Variants in YIF1B observed in about 807,000 individuals in gnomAD.
YIF1B encodes Yip1 interacting factor homolog B, membrane trafficking protein.
In YIF1B, 24 loss-of-function variants were observed where a neutral mutation model predicts 34.6. The observed-to-expected ratio is 0.69, with a 90% confidence interval of 0.50 to 0.98. The LOEUF (loss-of-function observed/expected upper bound fraction) is 0.98, where lower values mean the gene tolerates loss of function less well. YIF1B is among the 50% of genes least tolerant of loss of function. The pLI, the probability that YIF1B is intolerant of heterozygous loss-of-function variation, is 0.00. For synonymous variants in YIF1B, 186 were observed against 184.8 expected, an observed-to-expected ratio of 1.01 and a Z score of -0.05; for missense variants, 368 against 429.4, an observed-to-expected ratio of 0.86 and a Z score of 1.26.
chr19:38,307,861 C>T (rs1314596101), intron 5 of YIF1B, 109 bp from the exon 6 acceptor site: 2 of 1,409,788 alleles, frequency 1.4e-6, no homozygotes, highest in Non-Finnish European at 1.9e-6. Flanking sequence ...TGGCAGTGAC[C>T]AAGATGGATG....
chr19:38,305,511 G>A lies in YIF1B; in HGVS notation c.790-4C>T, dbSNP rs780002939. On this transcript the variant is annotated splice_region_variant and splice_polypyrimidine_tract_variant and intron_variant, in intron 7 of 7. Transcript: ENST00000339413. The stretch of plus-strand genomic sequence containing the variant: ...TCTTCAGCCGCAGCGTCCGGATCTG[G>A]GTGGGAAAGAGAGAGAGGAACCAAG... The A allele has an allele frequency of 1.1e-4, 180 of 1,597,862 alleles. No homozygotes were observed. Among genetic ancestry groups the A allele is most frequent in the Non-Finnish European group, 3.4e-5 (40 of 1,168,266 alleles).
chr19:38,305,326 A>C lies in YIF1B; in HGVS notation c.*26T>G. 6.3e-7 allele frequency: 1 copy of C among 1,591,416 alleles called. No individual in the cohort carries two copies. Among genetic ancestry groups the C allele is most frequent in the South Asian group, 1.1e-5 (1 of 89,840 alleles). On this transcript the variant is annotated 3_prime_UTR_variant, in exon 8 of 8. Transcript: ENST00000339413. ...CACAGTGGCCCCCAGCAGCAGCAGC[A>C]GCAGCGGGAGGTTCAGCGGGCGCGC...
rs1307991174 is a variant in YIF1B, at chr19:38,315,876, G to A, written c.42C>T (p.Pro14=). ...AGLAAAAAGT[P]RLRKWPSKRR... Reference sequence around the variant, plus strand: ...GCCACGTACGCCACTTACGCAGCCGGGGCGTCCCCGCAGCCGCCGCCGCCA... The same window carrying A: ...GCCACGTACGCCACTTACGCAGCCGAGGCGTCCCCGCAGCCGCCGCCGCCA... Residue 14 remains proline, a synonymous_variant, in exon 1 of 8, where the codon CCC becomes CCT. Coordinates refer to ENST00000339413, the MANE Select transcript of YIF1B (RefSeq NM_001039672.3). 1.3e-6 allele frequency: 2 copies of A among 1,492,116 alleles called. No homozygotes were observed. The highest frequency in any genetic ancestry group is 1.8e-6 in the Non-Finnish European group (2 of 1,130,042). 92.4% of individuals were successfully genotyped at this position (1,492,116 alleles called of 1,614,324 possible).
intron 5 of YIF1B, 35 bp from the exon 6 acceptor site, chr19:38,307,787 G>A (rs767290143): frequency 6.2e-7 from 1 of 1,607,808 alleles, no homozygotes; most frequent in East Asian, 2.2e-5. Flanking sequence ...TGGTTGGCTG[G>A]TTCAGACCCC....
chr19:38,309,505 G>T lies in YIF1B; in HGVS notation c.197C>A (p.Pro66His). 6.2e-7 allele frequency: 1 copy of T among 1,612,548 alleles called. No homozygotes were observed. The highest frequency in any genetic ancestry group is 8.5e-7 in the Non-Finnish European group (1 of 1,179,410). The change falls in exon 2 of 8, where the codon CCC (proline) becomes CAC (histidine). Residue 66 changes from proline (P) to histidine (H), a missense_variant. Coordinates refer to ENST00000339413, the MANE Select transcript of YIF1B (RefSeq NM_001039672.3). ...AGCCAGGAAGGCTGCATGGGGCGTG[G>T]GAGAGGCTGCAGGATAACTCAGGCC... is the stretch of plus-strand genomic sequence containing the variant. ...PGGLSYPAAS[P>H]TPHAAFLADP...
upstream of YIF1B, among the ~76,000 whole-genome samples, chr19:38,318,907 T>G (rs915722272): frequency 3.9e-5 from 6 of 152,154 alleles, no homozygotes; most frequent in African/African-American, 1.2e-4. Context: ...TCCTCTTAAA[T>G]AGAGGCGTGT....
chr19:38,306,267 A>G (rs889701672), intron 7 of YIF1B, among the ~76,000 whole-genome samples: 1 of 149,054 alleles, frequency 6.7e-6, no homozygotes, highest in Non-Finnish European at 1.5e-5. Context: ...GCTTGACTGC[A>G]GTGGCGTGAC....
upstream of YIF1B, among the ~76,000 whole-genome samples, chr19:38,316,295 C>T (rs1217128037): frequency 6.6e-6 from 1 of 151,988 alleles, no homozygotes; most frequent in East Asian, 1.9e-4. Flanking sequence ...TGCTTCAGCC[C>T]AGGGATTCGA....
chr19:38,311,393 C>A (rs1167253662), intron 1 of YIF1B, among the ~76,000 whole-genome samples: 1 of 152,144 alleles, frequency 6.6e-6, no homozygotes, highest in African/African-American at 2.4e-5. Flanking sequence ...AAGGGCCAAA[C>A]TGAGTGAGTG....
chr19:38,318,443 T>C (rs1050753592), upstream of YIF1B, among the ~76,000 whole-genome samples: 2 of 151,986 alleles, frequency 1.3e-5, no homozygotes, highest in African/African-American at 4.8e-5. Flanking sequence ...GCCACCACAC[T>C]TGGCTAATTT....
chr19:38,310,590 G>A (rs1316482961), intron 1 of YIF1B, among the ~76,000 whole-genome samples: 1 of 152,052 alleles, frequency 6.6e-6, no homozygotes, highest in Non-Finnish European at 1.5e-5. Flanking sequence ...TACTATGTGC[G>A]AGAGGAAGGG....
In YIF1B at chr19:38,305,140, C is replaced by G; in HGVS notation, c.*212G>C. 1 of 1,415,950 alleles carries G rather than the reference C, an allele frequency of 7.1e-7. No homozygotes were observed. The highest frequency in any genetic ancestry group is 9.4e-7 in the Non-Finnish European group (1 of 1,065,970). The allele number at this position is 1,415,950 out of a possible 1,614,324, so 87.7% of individuals were successfully genotyped here. ...CCATGCCCATCAGGGTTTATTGTTT[C>G]TGTAACAGCGGCCACGCCCTGGGGC... On this transcript the variant is annotated 3_prime_UTR_variant, in exon 8 of 8. Transcript: ENST00000339413.
intron 1 of YIF1B, 98 bp downstream of exon 1, chr19:38,315,762 C>A (rs576505362): frequency 1.2e-6 from 2 of 1,604,340 alleles, no homozygotes; most frequent in East Asian, 4.5e-5. Flanking sequence ...GGTTCCAGAT[C>A]CTTGATCTCG....
In YIF1B at chr19:38,305,520, G is replaced by C. The variant is rs768733475; in HGVS notation, c.790-13C>G. On this transcript the variant is annotated splice_polypyrimidine_tract_variant and intron_variant, in intron 7 of 7. Transcript: ENST00000339413. Reference sequence around the variant, plus strand: ...GCAGCGTCCGGATCTGGGTGGGAAAGAGAGAGAGGAACCAAGGGATTTACC... The same window carrying C: ...GCAGCGTCCGGATCTGGGTGGGAAACAGAGAGAGGAACCAAGGGATTTACC... 6.3e-7 allele frequency: 1 copy of C among 1,591,708 alleles called. No homozygotes were observed. Among genetic ancestry groups the C allele is most frequent in the South Asian group, 1.1e-5 (1 of 90,186 alleles).
rs376665545 is a variant in YIF1B at position 38,309,026 on chromosome 19, G to C, written c.434C>G (p.Pro145Arg). 3 of 1,561,582 alleles carry C rather than the reference G, an allele frequency of 1.9e-6. No homozygotes were observed. The highest frequency in any genetic ancestry group is 2.6e-6 in the Non-Finnish European group (3 of 1,152,250). Residue 145 changes from proline to arginine, a missense_variant, in exon 4 of 8, where the codon CCG (proline) becomes CGG (arginine). This residue lies in a region of YIF1B where 208 missense variants were observed against 247.8 expected (regional missense o/e 0.84). Transcript: ENST00000339413. ...DWEVQYQQDTPVAPRFDVNAP... is the reference protein window; with the variant it reads ...DWEVQYQQDTRVAPRFDVNAP... ...ATTGACGTCAAAGCGGGGGGCCACC[G>C]GGGTGTCCTGTTGGTACTGCACTTC...
chr19:38,321,568 T>TC (rs1199346725), upstream of YIF1B, among the ~76,000 whole-genome samples: 5 of 152,196 alleles, frequency 3.3e-5, no homozygotes, highest in Admixed American at 6.5e-5. Context: ...GCTCTGCTGC[T>TC]CCCCCAGCCC....
rs527596693 is a variant in YIF1B, at chr19:38,309,172, C to T, written c.402+52G>A. On this transcript the variant is annotated intron_variant, in intron 3 of 7. Coordinates refer to ENST00000339413, the MANE Select transcript of YIF1B (RefSeq NM_001039672.3). ...CTCCACCATGCACCTGCCCCCACCC[C>T]TGAGCCCCCCACAGGCCCACTGCAG... The T allele has an allele frequency of 1.1e-4, 170 of 1,602,422 alleles. 1 individual carries two copies. The East Asian group carries it at 3.7e-3, about 35-fold the overall frequency.
At chr19:38,307,118 T>C in intron 7 of YIF1B, 1 of 497,664 alleles carries the variant, frequency 2.0e-6, no homozygotes, top group East Asian at 4.8e-5. Flanking sequence ...AGAATCTCCT[T>C]CCAGGGAAAT....
upstream of YIF1B, among the ~76,000 whole-genome samples, chr19:38,317,661 C>A (rs1163574899): frequency 6.6e-6 from 1 of 151,912 alleles, no homozygotes; most frequent in African/African-American, 2.4e-5. Flanking sequence ...CTCACTGCAA[C>A]CTTTGCCTCC....
Sources: gnomAD v4.1 joint callset for allele counts (sites outside exome capture counted in the v4.1 genomes callset) on GRCh38, gnomAD v4.1.1 for gene constraint, gnomAD v4.1.1 regional missense constraint, MANE v1.5 for transcripts, NCBI Gene and HGNC (gene_info 2026-07-23, HGNC 2026-07-21) for gene names.